ARIH2: variants seen among roughly 807,000 people sequenced by gnomAD.
The protein encoded by ARIH2 is E3 ubiquitin-protein ligase ARIH2.
In ARIH2, 12 loss-of-function variants were observed where a neutral mutation model predicts 79.8. The ratio of observed to expected loss-of-function variants is 0.15; its 90% CI spans 0.10 to 0.24. ARIH2 has a LOEUF of 0.24. Among genes scored for constraint, ARIH2 ranks in the 10% least tolerant of loss-of-function variants. The pLI, the probability that ARIH2 is intolerant of heterozygous loss-of-function variation, is 1.00. For missense variants in ARIH2, 301 were observed against 618.3 expected, an observed-to-expected ratio of 0.49 and a Z score of 5.44; for synonymous variants, 224 against 213.9, an observed-to-expected ratio of 1.05 and a Z score of -0.41.
At position 48,979,547 on chromosome 3, in the gene ARIH2, T is replaced by C; in HGVS notation, c.1027T>C (p.Tyr343His). 6.2e-7 allele frequency: 1 copy of C among 1,614,246 alleles called. No individual in the cohort carries two copies. The highest frequency in any genetic ancestry group is 1.3e-5 in the African/African-American group (1 of 75,066). The change falls in exon 12 of 16, where the codon TAC (tyrosine) becomes CAC (histidine). Residue 343 changes from tyrosine to histidine, a missense_variant. Transcript: ENST00000356401. ...HGSEYYECSR[Y>H]KENPDIVNQS... ...CAGTGAATACTATGAGTGCAGTCGT[T>C]ACAAGGAGAATCCTGACATCGTGAA... is the stretch of plus-strand genomic sequence containing the variant.
chr3:48,962,000 AAC>A (rs1379631818), intron 4 of ARIH2, among the ~76,000 whole-genome samples: 4 of 152,192 alleles, frequency 2.6e-5, no homozygotes, highest in Non-Finnish European at 5.9e-5. Flanking sequence ...CTTTCTAGGT[AAC>A]ACGCGCCAAC....
intron 5 of ARIH2, among the ~76,000 whole-genome samples, chr3:48,966,749 G>A (rs1231205935): frequency 2.0e-5 from 3 of 152,164 alleles, no homozygotes; most frequent in Non-Finnish European, 1.5e-5. Flanking sequence ...CTTAACAGGG[G>A]TAGTCTACAA....
chr3:48,969,578 C>T (rs1029778101), intron 7 of ARIH2, among the ~76,000 whole-genome samples: 2 of 151,406 alleles, frequency 1.3e-5, no homozygotes, highest in South Asian at 2.1e-4. Flanking sequence ...CCTCTGACCT[C>T]CCAGGCTCAA....
chr3:48,959,039 G>T (rs756746323), intron 3 of ARIH2, among the ~76,000 whole-genome samples: 2 of 150,542 alleles, frequency 1.3e-5, no homozygotes, highest in African/African-American at 4.9e-5. Flanking sequence ...AAAATAGGCC[G>T]AGCGCGGTGG....
intron 3 of ARIH2, among the ~76,000 whole-genome samples, chr3:48,939,726 C>T (rs2087756326): frequency 7.1e-6 from 1 of 141,104 alleles, no homozygotes. Context: ...CCACTGCACT[C>T]CAGCCTGGGT....
intron 11 of ARIH2, among the ~76,000 whole-genome samples, chr3:48,977,690 C>G (rs2092583078): frequency 6.6e-6 from 1 of 152,204 alleles, no homozygotes; most frequent in Non-Finnish European, 1.5e-5. Flanking sequence ...AACTCCTGAT[C>G]TCATGATTAG....
At chr3:48,933,654 A>C (rs1392807858) in intron 3 of ARIH2, among the ~76,000 whole-genome samples, 1 of 147,134 alleles carries the variant, frequency 6.8e-6, no homozygotes, top group Non-Finnish European at 1.5e-5. Flanking sequence ...GGTTCATACC[A>C]TTCTCCTGCC....
chr3:48,938,284 T>A (rs1478734043), intron 3 of ARIH2, among the ~76,000 whole-genome samples: 1 of 152,206 alleles, frequency 6.6e-6, no homozygotes, highest in East Asian at 1.9e-4. Flanking sequence ...CACATGCCTT[T>A]GCCCTACCTC....
chr3:48,937,176 A>G (rs1489806694), intron 3 of ARIH2, among the ~76,000 whole-genome samples: 1 of 152,260 alleles, frequency 6.6e-6, no homozygotes, highest in Non-Finnish European at 1.5e-5. Context: ...AATGTGGTCT[A>G]TATCTGGAAA....
chr3:48,953,582 T>G (rs1039843883), intron 3 of ARIH2, among the ~76,000 whole-genome samples: 1 of 151,876 alleles, frequency 6.6e-6, no homozygotes. Flanking sequence ...TTTGTATTTT[T>G]AGTAGAGACG....
At chr3:48,919,274 T>TC in intron 1 of ARIH2, 23 of 1,108,420 alleles carry the variant, frequency 2.1e-5, no homozygotes, top group Non-Finnish European at 2.5e-5. Context: ...ATCTAGGCCC[T>TC]CTCTCCCTGT....
In ARIH2 at chr3:48,974,299, G is replaced by A. The variant is rs144380858; in HGVS notation, c.888+483G>A. Among the ~76,000 whole-genome samples, 15 of 152,300 alleles carry A rather than the reference G, an allele frequency of 9.8e-5. No individual in the cohort carries two copies. The East Asian group carries it at 1.2e-3, about 12-fold the overall frequency. On this transcript the variant is annotated intron_variant, in intron 9 of 15. Transcript: ENST00000356401. ...CACTCACAAGCACAGTTACGATAAC[G>A]ACATTATTAAACATAGTCGACTTCA...
chr3:48,979,725 G>T, intron 12 of ARIH2, 92 bp downstream of exon 12: 8 of 1,412,818 alleles, frequency 5.7e-6, no homozygotes, highest in Non-Finnish European at 7.8e-6. Flanking sequence ...GACAGAGCTA[G>T]CCTGTGCACA....
chr3:48,981,016 CAA>C (rs34533467), intron 13 of ARIH2, among the ~76,000 whole-genome samples: 33 of 30,134 alleles, frequency 1.1e-3, no homozygotes, highest in Admixed American at 1.1e-3. Context: ...GCAAGACTGT[CAA>C]AAAAAAAAAA....
chr3:48,942,601 C>T (rs1211461413), intron 3 of ARIH2, among the ~76,000 whole-genome samples: 1 of 150,686 alleles, frequency 6.6e-6, no homozygotes, highest in Non-Finnish European at 1.5e-5. Context: ...GCCTCAGTCT[C>T]CTGAGTAGGT....
chr3:48,955,422 T>G (rs7643368), intron 3 of ARIH2, among the ~76,000 whole-genome samples: 100,317 of 151,602 alleles, frequency 0.66, 33,873 homozygotes, highest in East Asian at 0.96. Context: ...ATAAGTTGTC[T>G]TGATAATACT....
At chr3:48,936,726 C>CT (rs1458237942) in intron 3 of ARIH2, among the ~76,000 whole-genome samples, 1 of 151,546 alleles carries the variant, frequency 6.6e-6, no homozygotes, top group African/African-American at 2.4e-5. Context: ...GAGCGAGACT[C>CT]TGTCTCAAAA....
chr3:48,933,859 C>T (rs747626314), intron 3 of ARIH2, among the ~76,000 whole-genome samples: 4 of 152,066 alleles, frequency 2.6e-5, no homozygotes, highest in Admixed American at 6.6e-5. Context: ...CCCTATTGCT[C>T]ACTTTTTAAG....
At chr3:48,933,811 A>C (rs1051255923) in intron 3 of ARIH2, among the ~76,000 whole-genome samples, 2 of 151,904 alleles carry the variant, frequency 1.3e-5, no homozygotes, top group Middle Eastern at 3.2e-3. Context: ...TCAGCCTCCC[A>C]ACGTGCTGGG....
Sources: gnomAD v4.1 joint callset for allele counts (sites outside exome capture counted in the v4.1 genomes callset) on GRCh38, gnomAD v4.1.1 for gene constraint, MANE v1.5 for transcripts, NCBI Gene and HGNC (gene_info 2026-07-23, HGNC 2026-07-21) for gene names.